Variants in PKIB observed in about 807,000 individuals in gnomAD.
PKIB encodes the protein cAMP-dependent protein kinase inhibitor beta.
PKIB carries 2 observed loss-of-function variants against 4.5 expected under a neutral mutation model. The observed-to-expected ratio is 0.44, with a 90% CI of 0.18 to 1.39. The LOEUF (loss-of-function observed/expected upper bound fraction) is 1.39. Among genes scored for constraint, PKIB ranks in the 40% most tolerant of loss-of-function variants. The probability of loss-of-function intolerance (pLI) is 0.27; values close to 1 mark genes in which losing one functional copy is unlikely to be tolerated. For missense variants in PKIB, 94 were observed against 92.6 expected, an observed-to-expected ratio of 1.02 and a Z score of -0.06; for synonymous variants, 38 against 36.0, an observed-to-expected ratio of 1.06 and a Z score of -0.20.
At chr6:122,570,833 A>G (rs1349483952) in intron 2 of PKIB, among the ~76,000 whole-genome samples, 8 of 152,190 alleles carry the variant, frequency 5.3e-5, no homozygotes, top group Admixed American at 5.2e-4. Flanking sequence ...TTCTGGTAAT[A>G]TGACAAAAGA....
intron 2 of PKIB, among the ~76,000 whole-genome samples, chr6:122,543,322 G>C (rs1009412028): frequency 3.3e-5 from 5 of 149,604 alleles, no homozygotes; most frequent in East Asian, 3.9e-4. Flanking sequence ...GACAGGAGCT[G>C]TTCCTATTCG....
intron 2 of PKIB, among the ~76,000 whole-genome samples, chr6:122,527,255 T>C (rs183065059): frequency 1.3e-5 from 2 of 152,258 alleles, no homozygotes; most frequent in Non-Finnish European, 2.9e-5. Context: ...GAAGGCTGTT[T>C]TCCTTTCTTA....
intron 2 of PKIB, among the ~76,000 whole-genome samples, chr6:122,653,571 TCCGAAACATGTA>T (rs1776652323): frequency 6.6e-6 from 1 of 151,064 alleles, no homozygotes; most frequent in Non-Finnish European, 1.5e-5. Flanking sequence ...GGAATTTGAC[TCCGAAACATGTA>T]CTTTATTCTC....
At position 122,697,638 on chromosome 6, in the gene PKIB, G is replaced by A. The variant is rs576789624; in HGVS notation, c.-8-20149G>A. Among the ~76,000 whole-genome samples the A allele has an allele frequency of 2.0e-5, 3 of 152,176 alleles. No individual in the cohort carries two copies. The East Asian group carries it at 5.8e-4, about 30-fold the overall frequency. ...GCTTGTGGCAGTGGTGACATCAAGG[G>A]GGTAGAGGGACATTTGTCTCATTGT... On this transcript the variant is annotated intron_variant, in intron 3 of 4. Transcript: ENST00000368452.
Position 122,590,002 on chromosome 6 carries a change from G to T in PKIB, c.-161+3995G>T, listed in dbSNP as rs1351957290. On this transcript the variant is annotated intron_variant, in intron 3 of 6. Transcript: ENST00000392491. ...GCTTCTGTGCATAATCATAATATATGTTTTGATATTAATAGAAATCAGAAA... is the reference window on the plus strand; with the variant it reads ...GCTTCTGTGCATAATCATAATATATTTTTTGATATTAATAGAAATCAGAAA... Among the ~76,000 whole-genome samples the T allele has an allele frequency of 2.0e-5, 3 of 152,018 alleles. No homozygotes were observed. The East Asian group carries it at 5.8e-4, about 29-fold the overall frequency.
At chr6:122,671,368 G>T (rs544632810) in intron 2 of PKIB, among the ~76,000 whole-genome samples, 1 of 132,874 alleles carries the variant, frequency 7.5e-6, no homozygotes, top group Admixed American at 7.5e-5. Flanking sequence ...TAGTTCAAAT[G>T]AAAGCATAGG....
intron 2 of PKIB, among the ~76,000 whole-genome samples, chr6:122,487,630 C>T (rs1176331148): frequency 6.6e-6 from 1 of 152,212 alleles, no homozygotes; most frequent in Non-Finnish European, 1.5e-5. Flanking sequence ...ACTGTAGCAT[C>T]AGCTGACTCC....
chr6:122,530,948 A>G (rs764832428), intron 2 of PKIB, among the ~76,000 whole-genome samples: 13 of 152,188 alleles, frequency 8.5e-5, no homozygotes, highest in Non-Finnish European at 1.5e-4. Context: ...ACAATGGCTT[A>G]CTTAAGTGAT....
At chr6:122,715,664 T>TATATATAC (rs1554236012) in intron 3 of PKIB, among the ~76,000 whole-genome samples, 57 of 150,366 alleles carry the variant, frequency 3.8e-4, no homozygotes, top group Non-Finnish European at 6.2e-4. Flanking sequence ...TATATATATA[T>TATATATAC]ACATACACAT....
intron 3 of PKIB, among the ~76,000 whole-genome samples, chr6:122,685,954 C>T (rs1778076653): frequency 6.6e-6 from 1 of 152,106 alleles, no homozygotes; most frequent in South Asian, 2.1e-4. Context: ...TAATGTCTTC[C>T]AATTCCATCC....
chr6:122,636,228 A>G (rs1230514982), intron 2 of PKIB, among the ~76,000 whole-genome samples: 1 of 152,086 alleles, frequency 6.6e-6, no homozygotes, highest in Admixed American at 6.6e-5. Flanking sequence ...AATCATAAAT[A>G]CCATGTTGTG....
chr6:122,582,139 T>C (rs1773721766), intron 2 of PKIB, among the ~76,000 whole-genome samples: 1 of 152,070 alleles, frequency 6.6e-6, no homozygotes, highest in Admixed American at 6.6e-5. Context: ...GTCATCTTTA[T>C]GGAACTAACA....
chr6:122,647,683 A>G (rs1776381039), intron 2 of PKIB, among the ~76,000 whole-genome samples: 1 of 152,348 alleles, frequency 6.6e-6, no homozygotes, highest in African/African-American at 2.4e-5. Flanking sequence ...TAATGACAAA[A>G]GAGGAAAGAA....
In PKIB at chr6:122,725,345, C is replaced by G. The variant is rs773803711; in HGVS notation, c.*150C>G. On this transcript the variant is annotated 3_prime_UTR_variant, in exon 5 of 5. Coordinates refer to ENST00000368452, the MANE Select transcript of PKIB (RefSeq NM_181795.3). ...ATTAGATAATTGTGTTGTGATGCTACTCACTTTGATTGCAATGATGATGTC... is the reference window on the plus strand; with the variant it reads ...ATTAGATAATTGTGTTGTGATGCTAGTCACTTTGATTGCAATGATGATGTC... 2.2e-5 allele frequency: 14 copies of G among 634,774 alleles called. No individual in the cohort carries two copies. The highest frequency in any genetic ancestry group is 3.8e-5 in the Non-Finnish European group (14 of 364,660). 39.3% of individuals were successfully genotyped at this position (634,774 alleles called of 1,614,324 possible). A position where few individuals can be genotyped will look rare whatever the true frequency, so the allele number is the denominator to read the frequency against.
At chr6:122,636,725 AT>A (rs1211279098) in intron 2 of PKIB, among the ~76,000 whole-genome samples, 20 of 152,294 alleles carry the variant, frequency 1.3e-4, no homozygotes, top group African/African-American at 4.6e-4. Context: ...ATTAAAATTC[AT>A]TTGGAAGTAT....
chr6:122,721,984 G>C (rs1362030135), intron 4 of PKIB, among the ~76,000 whole-genome samples: 1 of 152,030 alleles, frequency 6.6e-6, no homozygotes, highest in Non-Finnish European at 1.5e-5. Context: ...GACAGTAACA[G>C]GCTTGAAAGG....
At chr6:122,702,361 ACT>A (rs1415100343) in intron 3 of PKIB, among the ~76,000 whole-genome samples, 1 of 122,960 alleles carries the variant, frequency 8.1e-6, no homozygotes, top group Admixed American at 1.0e-4. Context: ...ATGGAGTCTC[ACT>A]CTGTTGCCCA....
intron 2 of PKIB, among the ~76,000 whole-genome samples, chr6:122,514,457 A>G (rs1185914059): frequency 6.6e-6 from 1 of 152,238 alleles, no homozygotes; most frequent in East Asian, 1.9e-4. Context: ...GTGAGTTCAC[A>G]AAAATATTTG....
chr6:122,720,491 A>C (rs1052202174), intron 4 of PKIB, among the ~76,000 whole-genome samples: 2 of 152,000 alleles, frequency 1.3e-5, no homozygotes, highest in Admixed American at 1.3e-4. Context: ...TTGGAGGATA[A>C]CTCCTAGAGC....
Sources: gnomAD v4.1 joint callset for allele counts (sites outside exome capture counted in the v4.1 genomes callset) on GRCh38, gnomAD v4.1.1 for gene constraint, MANE v1.5 for transcripts, NCBI Gene and HGNC (gene_info 2026-07-23, HGNC 2026-07-21) for gene names.